The following RHOBTB2 variants were observed in gnomAD, a reference collection of about 807,000 sequenced individuals.
RHOBTB2 encodes the protein Rho related BTB domain containing 2.
Under a neutral mutation model 66.5 loss-of-function variants are expected in RHOBTB2, and 39 were observed. The observed-to-expected ratio is 0.59, with a 90% CI of 0.45 to 0.77. RHOBTB2 has a LOEUF of 0.77. RHOBTB2 is among the 30% of genes least tolerant of loss of function. The pLI is 0.00. For missense variants in RHOBTB2, 755 were observed against 999.1 expected, an observed-to-expected ratio of 0.76 and a Z score of 3.29; for synonymous variants, 390 against 395.0, an observed-to-expected ratio of 0.99 and a Z score of 0.15.
chr8:23,014,200 G>T (rs1811224185), intron 7 of RHOBTB2, among the ~76,000 whole-genome samples: 1 of 152,204 alleles, frequency 6.6e-6, no homozygotes, highest in Non-Finnish European at 1.5e-5. Flanking sequence ...AGAACCAAGG[G>T]TGTTTACTTC....
At chr8:22,983,092 T>G (rs1047637255), upstream of RHOBTB2, among the ~76,000 whole-genome samples, 9 of 152,290 alleles carry the variant, frequency 5.9e-5, no homozygotes, top group Admixed American at 4.6e-4. Context: ...TCATAGCACA[T>G]AACAACATAG....
chr8:22,951,657 G>T, the RHOBTB2 span, among the ~76,000 whole-genome samples: 1 of 152,158 alleles, frequency 6.6e-6, no homozygotes, highest in Non-Finnish European at 1.5e-5. Flanking sequence ...ACTCCTTAAG[G>T]GTTGAGGAGA....
At chr8:22,993,932 ATTCTCT>A (rs1810483189) in intron 2 of RHOBTB2, among the ~76,000 whole-genome samples, 1 of 152,200 alleles carries the variant, frequency 6.6e-6, no homozygotes, top group African/African-American at 2.4e-5. Flanking sequence ...GCAGAATTAG[ATTCTCT>A]TTCTGTCTCT....
intron 7 of RHOBTB2, among the ~76,000 whole-genome samples, chr8:23,014,310 TCA>T (rs1283770141): frequency 6.6e-6 from 1 of 152,234 alleles, no homozygotes; most frequent in South Asian, 2.1e-4. Context: ...TAGTTCTAAC[TCA>T]CAGTTCTCAG....
upstream of RHOBTB2, among the ~76,000 whole-genome samples, chr8:22,996,559 GTGTGTGTGTCTGTGTGTC>G (rs1810571732): frequency 1.8e-5 from 2 of 109,972 alleles, no homozygotes; most frequent in Admixed American, 2.0e-4. Flanking sequence ...GTGTGTGTGT[GTGTGTGTGTCTGTGTGTC>G]TGTGTATGTA....
upstream of RHOBTB2, among the ~76,000 whole-genome samples, chr8:22,995,207 A>G (rs937885032): frequency 1.7e-4 from 26 of 152,180 alleles, no homozygotes; most frequent in African/African-American, 6.0e-4. Flanking sequence ...TGTTGAGATT[A>G]CAGGCATAAG....
the RHOBTB2 span, among the ~76,000 whole-genome samples, chr8:22,960,704 T>C: frequency 0.018 from 2,715 of 152,320 alleles, 72 homozygotes; most frequent in African/African-American, 0.05. Context: ...AGACAATCAA[T>C]AAAACTTTGT....
the RHOBTB2 span, among the ~76,000 whole-genome samples, chr8:22,965,320 T>C: frequency 6.6e-6 from 1 of 152,152 alleles, no homozygotes. Flanking sequence ...TGTTCATAGA[T>C]TGGAAGCCTT....
At chr8:22,986,243 C>T (rs986148613), upstream of RHOBTB2, among the ~76,000 whole-genome samples, 6 of 142,504 alleles carry the variant, frequency 4.2e-5, no homozygotes, top group Non-Finnish European at 7.6e-5. Context: ...TCCAGGTCTT[C>T]GATTCCCAGC....
At chr8:22,960,392 C>G in the RHOBTB2 span, among the ~76,000 whole-genome samples, 4 of 150,414 alleles carry the variant, frequency 2.7e-5, no homozygotes, top group Non-Finnish European at 5.9e-5. Flanking sequence ...CATCTCGGCT[C>G]ACTGCAACCT....
chr8:22,998,382 A>G (rs1320771856), upstream of RHOBTB2, among the ~76,000 whole-genome samples: 1 of 152,130 alleles, frequency 6.6e-6, no homozygotes, highest in Non-Finnish European at 1.5e-5. Flanking sequence ...AAAATTGTCC[A>G]GAGGTAACTG....
At chr8:22,994,726 T>C (rs1810501455), upstream of RHOBTB2, 6 of 1,044,224 alleles carry the variant, frequency 5.7e-6, no homozygotes, top group Middle Eastern at 2.0e-4. Context: ...AAATTGTTTG[T>C]TGAAGCACTA....
At chr8:23,008,200 C>A in intron 6 of RHOBTB2, 89 bp downstream of exon 6, 1 of 897,406 alleles carries the variant, frequency 1.1e-6, no homozygotes, top group Non-Finnish European at 1.8e-6. Flanking sequence ...GTACTTTCTT[C>A]ACTGACTGTG....
At chr8:22,996,371 T>C (rs1026103149), upstream of RHOBTB2, among the ~76,000 whole-genome samples, 1 of 152,088 alleles carries the variant, frequency 6.6e-6, no homozygotes, top group African/African-American at 2.4e-5. Context: ...TGGCAGGACA[T>C]TGCCAGACCC....
At chr8:22,977,449 G>A in the RHOBTB2 span, among the ~76,000 whole-genome samples, 1 of 152,112 alleles carries the variant, frequency 6.6e-6, no homozygotes, top group African/African-American at 2.4e-5. Flanking sequence ...GTGTGTGCCT[G>A]TAGTTCCAGC....
the RHOBTB2 span, among the ~76,000 whole-genome samples, chr8:22,956,929 G>A: frequency 1.3e-5 from 2 of 152,120 alleles, no homozygotes; most frequent in African/African-American, 4.8e-5. Flanking sequence ...CAAAGTGCTG[G>A]AATTACAGGC....
At chr8:22,967,987 T>A in the RHOBTB2 span, among the ~76,000 whole-genome samples, 7 of 152,054 alleles carry the variant, frequency 4.6e-5, no homozygotes, top group Admixed American at 1.3e-4. Context: ...TAAAACCCCA[T>A]CTCTACAAAA....
At chr8:22,974,627 T>C in the RHOBTB2 span, among the ~76,000 whole-genome samples, 2 of 152,204 alleles carry the variant, frequency 1.3e-5, no homozygotes, top group South Asian at 4.1e-4. Context: ...CTAGAAGCTA[T>C]AAGGCCAGGC....
chr8:22,963,615 C>G, the RHOBTB2 span, among the ~76,000 whole-genome samples: 2 of 151,872 alleles, frequency 1.3e-5, no homozygotes, highest in Non-Finnish European at 2.9e-5. Context: ...GAGCAATTTA[C>G]AAAAGAAAGA....
Sources: gnomAD v4.1 joint callset for allele counts (sites outside exome capture counted in the v4.1 genomes callset) on GRCh38, gnomAD v4.1.1 for gene constraint, MANE v1.5 for transcripts, NCBI Gene and HGNC (gene_info 2026-07-23, HGNC 2026-07-21) for gene names.